ZNF407: variants seen among roughly 807,000 people sequenced by gnomAD.
ZNF407 encodes the protein zinc finger protein 407.
A neutral mutation model predicts 131.2 loss-of-function variants in ZNF407; 17 were observed. The ratio of observed to expected loss-of-function variants is 0.13; its 90% CI spans 0.09 to 0.19. The LOEUF (loss-of-function observed/expected upper bound fraction) is 0.19, where lower values mean the gene tolerates loss of function less well. ZNF407 is among the 10% of genes least tolerant of loss of function. The pLI is 1.00. For synonymous variants in ZNF407, 1,156 were observed against 1,062.0 expected, an observed-to-expected ratio of 1.09 and a Z score of -1.72; for missense variants, 2,681 against 2,830.6, an observed-to-expected ratio of 0.95 and a Z score of 1.20.
chr18:74,999,740 T>G (rs1188870967), intron 8 of ZNF407, among the ~76,000 whole-genome samples: 1 of 152,222 alleles, frequency 6.6e-6, no homozygotes, highest in Non-Finnish European at 1.5e-5. Flanking sequence ...TACGTCTTGA[T>G]TATTCTTCCA....
rs1267562583 is a variant in ZNF407, at chr18:74,852,201, ACGCACGCACG to A, written c.4878-24988_4878-24979del. On this transcript the variant is annotated intron_variant, in intron 4 of 8. Coordinates refer to ENST00000299687, the MANE Select transcript of ZNF407 (RefSeq NM_017757.3). ...CACACACACACACACACACACACGC[ACGCACGCACG>A]CGCACGCGCGCGCGCATTGCTGGCT... 8.4e-4 allele frequency among the ~76,000 whole-genome samples: 124 copies of A among 147,778 alleles called. 1 individual carries two copies. Among genetic ancestry groups the A allele is most frequent in the East Asian group, 2.6e-3 (13 of 4,938 alleles).
In ZNF407 at chr18:74,703,968, T is replaced by G. The variant is rs1568174391; in HGVS notation, c.4802+62846T>G. 6.6e-6 allele frequency among the ~76,000 whole-genome samples: 1 copy of G among 152,188 alleles called. No individual in the cohort carries two copies. The highest frequency in any genetic ancestry group is 1.5e-5 in the Non-Finnish European group (1 of 68,034). On this transcript the variant is annotated intron_variant, in intron 3 of 8. Transcript: ENST00000299687. The surrounding 1 kb of genome is among the most constrained non-coding windows in gnomAD (Gnocchi z 4.1). ...GATCTCTTTTTTTTTATTTTTTATT[T>G]TTTTGCATCTCACAGATAGTCATTC...
At chr18:74,899,787 C>T (rs749757099) in intron 7 of ZNF407, among the ~76,000 whole-genome samples, 11 of 152,106 alleles carry the variant, frequency 7.2e-5, no homozygotes, top group South Asian at 2.1e-4. Context: ...GAGTGCAGCC[C>T]GCCAGCCACA....
At chr18:74,831,742 C>G (rs1352121547) in intron 4 of ZNF407, among the ~76,000 whole-genome samples, 1 of 152,186 alleles carries the variant, frequency 6.6e-6, no homozygotes. Context: ...ACGTGTCCCC[C>G]TCACCCCTGC....
chr18:74,881,141 G>T (rs75375525), intron 6 of ZNF407, 22 bp downstream of exon 6: 1 of 1,552,446 alleles, frequency 6.4e-7, no homozygotes, highest in Non-Finnish European at 8.7e-7. Context: ...TGCTGCACTG[G>T]CCCCTTCTCT....
chr18:74,691,096 T>C, intron 3 of ZNF407, among the ~76,000 whole-genome samples: 1 of 152,040 alleles, frequency 6.6e-6, no homozygotes, highest in East Asian at 1.9e-4. Flanking sequence ...GTGGCCAACA[T>C]GGTGAAATCC....
intron 3 of ZNF407, among the ~76,000 whole-genome samples, chr18:74,651,944 T>A (rs1985244865): frequency 1.3e-5 from 2 of 152,146 alleles, no homozygotes; most frequent in Non-Finnish European, 2.9e-5. Flanking sequence ...GTTATAGCAT[T>A]GCTGTGTCTA....
intron 3 of ZNF407, among the ~76,000 whole-genome samples, chr18:74,677,626 A>G (rs1158372502): frequency 6.6e-6 from 1 of 152,142 alleles, no homozygotes; most frequent in Non-Finnish European, 1.5e-5. Flanking sequence ...GACCTAAAAT[A>G]CTTTAGGCAA....
At chr18:74,825,193 G>T (rs1020161210) in intron 4 of ZNF407, among the ~76,000 whole-genome samples, 1 of 151,778 alleles carries the variant, frequency 6.6e-6, no homozygotes, top group African/African-American at 2.4e-5. Flanking sequence ...AATAAACTAG[G>T]TATCAATAGA....
At chr18:74,795,846 C>T (rs1969908563) in intron 4 of ZNF407, among the ~76,000 whole-genome samples, 1 of 152,186 alleles carries the variant, frequency 6.6e-6, no homozygotes. Flanking sequence ...CATCCAGTAC[C>T]AGTGTAATAA....
At chr18:74,670,956 G>A (rs532503178) in intron 3 of ZNF407, among the ~76,000 whole-genome samples, 4 of 152,278 alleles carry the variant, frequency 2.6e-5, no homozygotes, top group Admixed American at 6.5e-5. Context: ...GTGAGCCACC[G>A]CTGTGAGCCC....
intron 3 of ZNF407, among the ~76,000 whole-genome samples, chr18:74,742,844 AC>A (rs1968581960): frequency 6.6e-6 from 1 of 152,118 alleles, no homozygotes; most frequent in Admixed American, 6.6e-5. Context: ...CAATGTGGTT[AC>A]CTTGTGCATA....
chr18:74,858,928 T>A (rs970135471), intron 4 of ZNF407, among the ~76,000 whole-genome samples: 4 of 152,088 alleles, frequency 2.6e-5, no homozygotes, highest in East Asian at 1.9e-4. Context: ...TTGTCTTTTT[T>A]AAAAAATTTC....
intron 8 of ZNF407, among the ~76,000 whole-genome samples, chr18:75,056,588 G>T (rs937658817): frequency 9.9e-5 from 15 of 152,156 alleles, no homozygotes; most frequent in South Asian, 6.2e-4. Flanking sequence ...GGAGTCCCCC[G>T]TAATATGTAC....
At chr18:74,876,857 T>C (rs974619790) in intron 4 of ZNF407, among the ~76,000 whole-genome samples, 4 of 152,186 alleles carry the variant, frequency 2.6e-5, no homozygotes. Context: ...ATGGATAGCA[T>C]TTCATTTAGC....
Position 74,864,277 on chromosome 18 carries a change from G to A in ZNF407, c.4878-12920G>A, listed in dbSNP as rs562860511. Among the ~76,000 whole-genome samples the A allele has an allele frequency of 1.1e-4, 17 of 152,278 alleles. 1 individual carries two copies. In the South Asian group the frequency reaches 3.5e-3, roughly 32 times the overall value. On this transcript the variant is annotated intron_variant, in intron 4 of 8. Coordinates refer to ENST00000299687, the MANE Select transcript of ZNF407 (RefSeq NM_017757.3). ...TCGTACTACACCTTATCCTAGGACT[G>A]GATTTGGTATAAGGTTAGTGGAAAT...
chr18:74,958,833 T>G (rs1207802118), intron 8 of ZNF407, among the ~76,000 whole-genome samples: 1 of 152,204 alleles, frequency 6.6e-6, no homozygotes, highest in African/African-American at 2.4e-5. Flanking sequence ...CTCATCATTT[T>G]CAGTGAGGAA....
At chr18:74,623,086 G>GT in intron 1 of ZNF407, among the ~76,000 whole-genome samples, 1 of 150,844 alleles carries the variant, frequency 6.6e-6, no homozygotes, top group South Asian at 2.1e-4. Context: ...ATCTGTATCA[G>GT]TGTGTGAGTG....
intron 8 of ZNF407, among the ~76,000 whole-genome samples, chr18:74,937,536 A>G (rs184754680): frequency 1.3e-5 from 2 of 152,322 alleles, no homozygotes; most frequent in East Asian, 1.9e-4. Context: ...CAAAAGTTTT[A>G]TCAGTCAGGG....
Sources: allele counts gnomAD v4.1 joint callset (sites outside exome capture counted in the v4.1 genomes callset), GRCh38; gene constraint gnomAD v4.1.1; non-coding constraint Gnocchi (gnomAD v3.1); transcripts MANE v1.5; gene names NCBI Gene and HGNC (gene_info 2026-07-23, HGNC 2026-07-21).